The following FRG1 variants were observed in gnomAD, a reference collection of about 807,000 sequenced individuals.
FRG1 encodes FSHD region gene 1.
In FRG1, 19 loss-of-function variants were observed where a neutral mutation model predicts 37.0. That is an observed-to-expected ratio of 0.51 (90% CI 0.36 to 0.75). The LOEUF is 0.75. FRG1 is among the 30% of genes least tolerant of loss of function. FRG1 has a pLI of 0.00. For synonymous variants in FRG1, 73 were observed against 96.5 expected, an observed-to-expected ratio of 0.76 and a Z score of 1.43; for missense variants, 243 against 301.4, an observed-to-expected ratio of 0.81 and a Z score of 1.44.
intron 2 of FRG1, among the ~76,000 whole-genome samples, chr4:189,947,503 G>T (rs750967193): frequency 6.6e-6 from 1 of 152,176 alleles, no homozygotes; most frequent in Admixed American, 6.5e-5. Context: ...GGTTTTGCTC[G>T]TAGACTTAGA....
chr4:189,951,420 G>A (rs1192188555), intron 2 of FRG1, among the ~76,000 whole-genome samples: 1 of 151,460 alleles, frequency 6.6e-6, no homozygotes, highest in Non-Finnish European at 1.5e-5. Context: ...AACCCGGGAG[G>A]CAGAGGTCGC....
At chr4:189,957,766 T>C (rs1328998620) in intron 6 of FRG1, among the ~76,000 whole-genome samples, 1 of 152,180 alleles carries the variant, frequency 6.6e-6, no homozygotes, top group East Asian at 1.9e-4. Context: ...TAGTTCCACA[T>C]GCTCTTTTTA....
chr4:189,944,182 G>C (rs1371789514), intron 2 of FRG1, among the ~76,000 whole-genome samples: 3 of 152,002 alleles, frequency 2.0e-5, no homozygotes, highest in South Asian at 2.1e-4. Flanking sequence ...TTTTGGATGA[G>C]CAGCTTTTTT....
chr4:189,954,339 T>G (rs1436764924), intron 4 of FRG1, among the ~76,000 whole-genome samples: 1 of 152,096 alleles, frequency 6.6e-6, no homozygotes, highest in Non-Finnish European at 1.5e-5. Flanking sequence ...TTCTAGGAAT[T>G]TTTTCTAAGG....
intron 2 of FRG1, among the ~76,000 whole-genome samples, chr4:189,946,835 AG>A (rs1218219036): frequency 6.6e-6 from 1 of 151,818 alleles, no homozygotes; most frequent in Non-Finnish European, 1.5e-5. Flanking sequence ...ATGTTGGTTC[AG>A]GGTTTTTTGT....
intron 2 of FRG1, among the ~76,000 whole-genome samples, chr4:189,951,165 C>T (rs566597661): frequency 6.6e-6 from 1 of 152,152 alleles, no homozygotes; most frequent in South Asian, 2.1e-4. Flanking sequence ...GACATAGATT[C>T]TGCTCATTTT....
At chr4:189,961,180 C>T (rs1737213684) in intron 7 of FRG1, 1 of 189,606 alleles carries the variant, frequency 5.3e-6, no homozygotes, top group African/African-American at 2.4e-5. Flanking sequence ...ATCCTACCAC[C>T]TCCCAAAGCT....
chr4:189,960,837 T>C lies in FRG1; in HGVS notation c.627T>C (p.Tyr209=), dbSNP rs75112782. Reference sequence around the variant, plus strand: ...ATGTAAAACAATGTGAAATCAATTATGTGTATGTATTCTTTTCCTTTTAGA... The same window carrying C: ...ATGTAAAACAATGTGAAATCAATTACGTGTATGTATTCTTTTCCTTTTAGA... ...KGNVKQCEIN[Y]VKKFQSFQDH... The change falls in exon 7 of 9, where the codon TAT becomes TAC. Residue 209 remains tyrosine, a splice_region_variant and synonymous_variant. Coordinates refer to ENST00000226798, the MANE Select transcript of FRG1 (RefSeq NM_004477.3). 1.2e-6 allele frequency: 2 copies of C among 1,604,802 alleles called. No individual in the cohort carries two copies. Among genetic ancestry groups the C allele is most frequent in the Admixed American group, 3.4e-5 (2 of 58,100 alleles).
intron 1 of FRG1, among the ~76,000 whole-genome samples, chr4:189,942,449 A>G (rs1448968096): frequency 6.6e-6 from 1 of 152,172 alleles, no homozygotes; most frequent in Non-Finnish European, 1.5e-5. Context: ...TATTCTGAAT[A>G]TTTCCTAAGA....
Position 189,952,189 on chromosome 4 carries a change from G to T in FRG1, c.161G>T (p.Gly54Val). Residue 54 changes from glycine (G) to valine (V), a missense_variant, in exon 3 of 9, where the codon GGT becomes GTT. Gly to Val is a moderately radical substitution (Grantham distance 109). This residue lies in a region of FRG1 where 110 missense variants were observed against 102.2 expected (regional missense o/e 1.08). Transcript: ENST00000226798. ...ATCTGGTGGACAGTAACAAACTTTG[G>T]TGAAATTTCAGGAACCATAGCCATT... ...VGIWWTVTNF[G>V]EISGTIAIEM... 2 of 1,598,254 alleles carry T rather than the reference G, an allele frequency of 1.3e-6. No homozygotes were observed. Among genetic ancestry groups the T allele is most frequent in the Non-Finnish European group, 8.5e-7 (1 of 1,171,494 alleles).
At chr4:189,953,984 A>G (rs1345563947) in intron 4 of FRG1, among the ~76,000 whole-genome samples, 1 of 152,164 alleles carries the variant, frequency 6.6e-6, no homozygotes, top group Non-Finnish European at 1.5e-5. Flanking sequence ...CTTCATATGT[A>G]TCTTGTATAG....
intron 3 of FRG1, among the ~76,000 whole-genome samples, chr4:189,952,625 C>G (rs934181549): frequency 6.6e-6 from 1 of 152,082 alleles, no homozygotes; most frequent in Non-Finnish European, 1.5e-5. Context: ...CCAAAACTAA[C>G]CTGGGTGCGT....
chr4:189,950,202 A>G (rs1008028241), intron 2 of FRG1, among the ~76,000 whole-genome samples: 1 of 152,204 alleles, frequency 6.6e-6, no homozygotes, highest in Non-Finnish European at 1.5e-5. Flanking sequence ...ATGTCCGTGT[A>G]TATCCTTTGC....
At chr4:189,962,559 C>CT (rs111564591) in intron 8 of FRG1, among the ~76,000 whole-genome samples, 5,505 of 151,906 alleles carry the variant, frequency 0.036, 266 homozygotes, top group East Asian at 0.11. Flanking sequence ...TACTCTTACC[C>CT]TTTTTTTTAC....
intron 2 of FRG1, among the ~76,000 whole-genome samples, chr4:189,949,920 G>C (rs574096397): frequency 6.6e-6 from 1 of 152,028 alleles, no homozygotes; most frequent in African/African-American, 2.4e-5. Context: ...CTATTTTTAC[G>C]TGTATGCTTC....
chr4:189,962,133 G>T (rs780923517), intron 8 of FRG1, among the ~76,000 whole-genome samples: 2 of 152,108 alleles, frequency 1.3e-5, no homozygotes, highest in Admixed American at 1.3e-4. Flanking sequence ...AATTATAACC[G>T]ATTCTAAGTA....
intron 2 of FRG1, among the ~76,000 whole-genome samples, chr4:189,951,633 G>A (rs538397344): frequency 6.6e-6 from 1 of 152,198 alleles, no homozygotes; most frequent in African/African-American, 2.4e-5. Flanking sequence ...TTCTCTATAT[G>A]TCACTTTGTA....
intron 7 of FRG1, chr4:189,961,136 C>T: frequency 4.7e-6 from 1 of 211,864 alleles, no homozygotes; most frequent in Non-Finnish European, 9.6e-6. Context: ...GAGCTAAATG[C>T]TTTTCTTTTC....
chr4:189,961,539 C>G (rs78987873), intron 7 of FRG1: 1 of 194,712 alleles, frequency 5.1e-6, no homozygotes, highest in African/African-American at 2.4e-5. Flanking sequence ...TCCCGAGTAG[C>G]TGGGACTACA....
Sources: gnomAD v4.1 joint callset for allele counts (sites outside exome capture counted in the v4.1 genomes callset) on GRCh38, gnomAD v4.1.1 for gene constraint, gnomAD v4.1.1 regional missense constraint, MANE v1.5 for transcripts, NCBI Gene and HGNC (gene_info 2026-07-23, HGNC 2026-07-21) for gene names.